Variants in IGSF21 observed in about 807,000 individuals in gnomAD.
IGSF21 encodes the protein immunoglobin superfamily member 21.
In IGSF21, 28 loss-of-function variants were observed where a neutral mutation model predicts 46.8. The observed-to-expected ratio is 0.60, with a 90% confidence interval of 0.44 to 0.82. IGSF21 has a LOEUF of 0.82. IGSF21 is among the 40% of genes least tolerant of loss of function. The pLI is 0.00. For synonymous variants in IGSF21, 284 were observed against 273.6 expected, an observed-to-expected ratio of 1.04 and a Z score of -0.38; for missense variants, 624 against 665.5, an observed-to-expected ratio of 0.94 and a Z score of 0.69.
intron 3 of IGSF21, among the ~76,000 whole-genome samples, chr1:18,320,222 T>C (rs2124593233): frequency 6.6e-6 from 1 of 152,294 alleles, no homozygotes; most frequent in Admixed American, 6.5e-5. Context: ...CATTTTAATT[T>C]TGTTTTGACA....
intron 1 of IGSF21, among the ~76,000 whole-genome samples, chr1:18,129,817 C>T (rs992338418): frequency 3.9e-5 from 6 of 152,150 alleles, no homozygotes; most frequent in South Asian, 2.1e-4. Context: ...GATTAGGTCA[C>T]GCGGGCTCCA....
intron 4 of IGSF21, among the ~76,000 whole-genome samples, chr1:18,358,089 T>C (rs796692349): frequency 3.3e-5 from 5 of 151,982 alleles, no homozygotes; most frequent in African/African-American, 1.2e-4. Flanking sequence ...GTGAAGGGTG[T>C]AAGCGCCATG....
intron 3 of IGSF21, among the ~76,000 whole-genome samples, chr1:18,295,525 G>A (rs952995904): frequency 2.0e-4 from 30 of 152,216 alleles, no homozygotes; most frequent in African/African-American, 6.0e-4. Flanking sequence ...GTGCAGTACC[G>A]GGAAGGAATG....
intron 1 of IGSF21, among the ~76,000 whole-genome samples, chr1:18,163,915 T>A (rs1169162306): frequency 2.6e-5 from 4 of 152,192 alleles, no homozygotes; most frequent in African/African-American, 9.7e-5. Context: ...TGAAAAATGA[T>A]TTATATGAAA....
intron 2 of IGSF21, among the ~76,000 whole-genome samples, chr1:18,263,900 T>C (rs1378756703): frequency 6.6e-6 from 1 of 152,214 alleles, no homozygotes; most frequent in Non-Finnish European, 1.5e-5. Context: ...GGTCACCTGA[T>C]GCTGGTGCAT....
intron 3 of IGSF21, among the ~76,000 whole-genome samples, chr1:18,293,160 C>T (rs563767757): frequency 7.7e-4 from 118 of 152,298 alleles, no homozygotes; most frequent in African/African-American, 2.7e-3. Context: ...CCGTGAGCTC[C>T]AGGAGGACAA....
At chr1:18,127,843 A>G (rs2086286600) in intron 1 of IGSF21, among the ~76,000 whole-genome samples, 1 of 152,136 alleles carries the variant, frequency 6.6e-6, no homozygotes, top group African/African-American at 2.4e-5. Flanking sequence ...CGGGAAGTCG[A>G]GGTTATAGTG....
chr1:18,192,139 CCACG>C, intron 1 of IGSF21, among the ~76,000 whole-genome samples: 1 of 152,234 alleles, frequency 6.6e-6, no homozygotes, highest in Non-Finnish European at 1.5e-5. Flanking sequence ...GCTGCATTTA[CCACG>C]TAAGCATCCT....
At position 18,347,406 on chromosome 1, in the gene IGSF21, C is replaced by T. The variant is rs371253146; in HGVS notation, c.424+12396C>T. On this transcript the variant is annotated intron_variant, in intron 4 of 9. Coordinates refer to ENST00000251296, the MANE Select transcript of IGSF21 (RefSeq NM_032880.5). ...GGTCTTCTGGGACCAGAGCCCTTGA[C>T]GTTCCCACTCCATGAAGCTGTCAGG... 7.9e-5 allele frequency among the ~76,000 whole-genome samples: 12 copies of T among 152,284 alleles called. 1 individual carries two copies. The South Asian group carries it at 2.5e-3, about 32-fold the overall frequency.
chr1:18,249,484 G>C (rs1239100734), intron 2 of IGSF21, among the ~76,000 whole-genome samples: 5 of 152,268 alleles, frequency 3.3e-5, no homozygotes, highest in Non-Finnish European at 7.4e-5. Context: ...AGAGGGAAAG[G>C]TGGTGTGGGA....
intron 1 of IGSF21, among the ~76,000 whole-genome samples, chr1:18,173,203 G>T (rs2086758224): frequency 6.6e-6 from 1 of 152,168 alleles, no homozygotes; most frequent in Admixed American, 6.5e-5. Flanking sequence ...CAGGAGAATG[G>T]CGTGAACCCG....
chr1:18,237,437 T>G (rs2124514818), intron 2 of IGSF21, among the ~76,000 whole-genome samples: 1 of 152,354 alleles, frequency 6.6e-6, no homozygotes, highest in Non-Finnish European at 1.5e-5. Flanking sequence ...TGGGCTTGAC[T>G]GCACTTTCCC....
At chr1:18,135,900 T>G (rs2086364329) in intron 1 of IGSF21, among the ~76,000 whole-genome samples, 1 of 152,204 alleles carries the variant, frequency 6.6e-6, no homozygotes, top group African/African-American at 2.4e-5. Context: ...TGTTCCTATT[T>G]CTCCACATCC....
chr1:18,138,258 G>T (rs910329035), intron 1 of IGSF21, among the ~76,000 whole-genome samples: 1 of 152,266 alleles, frequency 6.6e-6, no homozygotes, highest in South Asian at 2.1e-4. Context: ...ATAATCCCTC[G>T]CAGGACATGT....
At chr1:18,312,987 C>T (rs1431450256) in intron 3 of IGSF21, among the ~76,000 whole-genome samples, 2 of 152,202 alleles carry the variant, frequency 1.3e-5, no homozygotes, top group African/African-American at 4.8e-5. Flanking sequence ...GCCTGGCATA[C>T]AGCAGGGGCT....
In IGSF21 at chr1:18,114,584, A is replaced by T. The variant is rs12409641; in HGVS notation, c.70+6386A>T. 4 of 152,212 alleles carry T rather than the reference A, an allele frequency of 2.6e-5. 1 individual carries two copies. In the South Asian group the frequency reaches 8.3e-4, roughly 32 times the overall value. 9.4% of individuals were successfully genotyped at this position (152,212 alleles called of 1,614,324 possible). ...ACATTCTTTCTTTCTGCAGTTTCTC[A>T]GATAAAGTAGCAGAGGCCCTGACTA... On this transcript the variant is annotated intron_variant, in intron 1 of 9. Transcript: ENST00000251296.
At chr1:18,346,509 G>A (rs1362672427) in intron 4 of IGSF21, among the ~76,000 whole-genome samples, 1 of 152,052 alleles carries the variant, frequency 6.6e-6, no homozygotes, top group African/African-American at 2.4e-5. Flanking sequence ...TAAATGCAGT[G>A]GCCGGACATA....
At chr1:18,153,488 A>G (rs1204298450) in intron 1 of IGSF21, among the ~76,000 whole-genome samples, 1 of 152,164 alleles carries the variant, frequency 6.6e-6, no homozygotes, top group Non-Finnish European at 1.5e-5. Flanking sequence ...AGCCAAACCC[A>G]GTGACTTGGC....
chr1:18,216,485 G>T (rs1004313133), intron 1 of IGSF21, among the ~76,000 whole-genome samples: 5 of 152,118 alleles, frequency 3.3e-5, no homozygotes, highest in African/African-American at 1.2e-4. Context: ...AGGGGGCTGG[G>T]TACCTTAGAG....
Sources: allele counts gnomAD v4.1 joint callset (sites outside exome capture counted in the v4.1 genomes callset), GRCh38; gene constraint gnomAD v4.1.1; transcripts MANE v1.5; gene names NCBI Gene and HGNC (gene_info 2026-07-23, HGNC 2026-07-21).